SHISA9: variants seen among roughly 807,000 people sequenced by gnomAD.
The protein encoded by SHISA9 is shisa family member 9, also known as protein shisa-9.
In SHISA9, 13 loss-of-function variants were observed where a neutral mutation model predicts 38.0. That is an observed-to-expected ratio of 0.34 (90% CI 0.22 to 0.54). The LOEUF (loss-of-function observed/expected upper bound fraction) is 0.54. SHISA9 is among the 20% of genes least tolerant of loss of function. The pLI, the probability that SHISA9 is intolerant of heterozygous loss-of-function variation, is 0.91. For synonymous variants in SHISA9, 275 were observed against 242.0 expected, an observed-to-expected ratio of 1.14 and a Z score of -1.27; for missense variants, 538 against 575.8, an observed-to-expected ratio of 0.93 and a Z score of 0.67.
the SHISA9 span, among the ~76,000 whole-genome samples, chr16:13,557,971 C>T: frequency 6.6e-6 from 1 of 152,118 alleles, no homozygotes; most frequent in Admixed American, 6.5e-5. Flanking sequence ...TATAGGCTTC[C>T]GATCACCTGA....
At chr16:12,980,294 T>A (rs78762471) in intron 2 of SHISA9, among the ~76,000 whole-genome samples, 1 of 152,202 alleles carries the variant, frequency 6.6e-6, no homozygotes, top group East Asian at 1.9e-4. Flanking sequence ...CTATGGCAAA[T>A]CTTTGAGGTC....
rs2071885450 is a variant in SHISA9 at position 12,959,805 on chromosome 16, T to C, written c.691+42990T>C. Among the ~76,000 whole-genome samples the C allele has an allele frequency of 2.0e-5, 3 of 152,222 alleles. No individual in the cohort carries two copies. In the South Asian group the frequency reaches 6.2e-4, roughly 31 times the overall value. On this transcript the variant is annotated intron_variant, in intron 2 of 4. Coordinates refer to ENST00000558583, the MANE Select transcript of SHISA9 (RefSeq NM_001145204.3). ...CTATTCCTGGGGCTCTTTGCACAGC[T>C]CTGCCCTGCTGCCCTCGCCTTTCAG...
intron 2 of SHISA9, among the ~76,000 whole-genome samples, chr16:13,159,801 A>G (rs1489390737): frequency 6.6e-6 from 1 of 152,222 alleles, no homozygotes; most frequent in Non-Finnish European, 1.5e-5. Flanking sequence ...GCTGTCCATG[A>G]TTAATTCCGC....
At chr16:13,446,965 G>C in the SHISA9 span, among the ~76,000 whole-genome samples, 1 of 143,660 alleles carries the variant, frequency 7.0e-6, no homozygotes, top group African/African-American at 2.7e-5. Flanking sequence ...GAGTAACAGA[G>C]CGAAACTCCA....
chr16:13,514,856 T>C, the SHISA9 span, among the ~76,000 whole-genome samples: 1 of 151,266 alleles, frequency 6.6e-6, no homozygotes, highest in Non-Finnish European at 1.5e-5. Context: ...TTAAAACCAG[T>C]GAAAAAGAGG....
At chr16:13,134,633 A>T (rs1398317455) in intron 2 of SHISA9, among the ~76,000 whole-genome samples, 1 of 152,090 alleles carries the variant, frequency 6.6e-6, no homozygotes, top group African/African-American at 2.4e-5. Flanking sequence ...ACGAGGCTGG[A>T]GAGATGGGCA....
At chr16:13,539,346 G>T in the SHISA9 span, among the ~76,000 whole-genome samples, 11,747 of 39,598 alleles carry the variant, frequency 0.3, 1,552 homozygotes, top group East Asian at 0.53. Context: ...TATATATAAA[G>T]ATATATATAT....
the SHISA9 span, among the ~76,000 whole-genome samples, chr16:13,300,159 A>G: frequency 6.6e-6 from 1 of 152,158 alleles, no homozygotes; most frequent in Admixed American, 6.5e-5. Flanking sequence ...AAAGCCTAGA[A>G]GTAGCAGGCT....
the SHISA9 span, among the ~76,000 whole-genome samples, chr16:13,478,651 C>T: frequency 0.013 from 1,988 of 152,326 alleles, 42 homozygotes; most frequent in African/African-American, 0.046. Flanking sequence ...TTCTGCCAAA[C>T]ATATTCCATA....
intron 2 of SHISA9, among the ~76,000 whole-genome samples, chr16:13,180,008 C>T (rs2050763765): frequency 6.6e-6 from 1 of 152,140 alleles, no homozygotes; most frequent in African/African-American, 2.4e-5. Context: ...GGGTAGGAAA[C>T]TCTCCTGAGT....
the SHISA9 span, among the ~76,000 whole-genome samples, chr16:13,443,862 T>C: frequency 1.2e-4 from 19 of 152,314 alleles, no homozygotes; most frequent in Non-Finnish European, 1.5e-4. Flanking sequence ...TATGGGATCA[T>C]CTGGACATCA....
At chr16:13,317,292 A>T in the SHISA9 span, among the ~76,000 whole-genome samples, 1 of 152,316 alleles carries the variant, frequency 6.6e-6, no homozygotes, top group Admixed American at 6.5e-5. Flanking sequence ...AATTCTGATT[A>T]ATTTTCCTAA....
chr16:13,482,179 G>T, the SHISA9 span, among the ~76,000 whole-genome samples: 3 of 152,214 alleles, frequency 2.0e-5, no homozygotes, highest in African/African-American at 7.2e-5. Flanking sequence ...AGAAGTCAGA[G>T]AAGAGGGTAA....
rs113326272 is a variant in SHISA9 at position 12,947,241 on chromosome 16, A to G, written c.691+30426A>G. On this transcript the variant is annotated intron_variant, in intron 2 of 4. Coordinates refer to ENST00000558583, the MANE Select transcript of SHISA9 (RefSeq NM_001145204.3). ...AGCAAGTATACCTGGAAAAAGGTATATGACTGTAGCAAACAAGCGTGATAA... is the reference window on the plus strand; with the variant it reads ...AGCAAGTATACCTGGAAAAAGGTATGTGACTGTAGCAAACAAGCGTGATAA... Among the ~76,000 whole-genome samples the G allele has an allele frequency of 1.0e-2, 1,522 of 152,324 alleles. 25 individuals carry two copies. Among genetic ancestry groups the G allele is most frequent in the Admixed American group, 0.043 (652 of 15,298 alleles).
At chr16:13,442,027 C>A in the SHISA9 span, among the ~76,000 whole-genome samples, 1 of 152,202 alleles carries the variant, frequency 6.6e-6, no homozygotes, top group Non-Finnish European at 1.5e-5. Flanking sequence ...AGTGATGGAG[C>A]TTCTTAGATC....
chr16:13,273,594 C>T, the SHISA9 span, among the ~76,000 whole-genome samples: 2 of 152,168 alleles, frequency 1.3e-5, no homozygotes, highest in African/African-American at 4.8e-5. Flanking sequence ...TCCATTAAAC[C>T]TCTCTTTCTT....
chr16:13,418,764 C>T, the SHISA9 span, among the ~76,000 whole-genome samples: 2 of 152,202 alleles, frequency 1.3e-5, no homozygotes, highest in African/African-American at 4.8e-5. Flanking sequence ...ACCATAAGGA[C>T]TATAAGTAAT....
chr16:13,206,630 T>C (rs1236346427), intron 3 of SHISA9, among the ~76,000 whole-genome samples: 3 of 152,350 alleles, frequency 2.0e-5, no homozygotes, highest in East Asian at 3.9e-4. Flanking sequence ...GATGGAATCA[T>C]TCAAATAGTG....
intron 2 of SHISA9, among the ~76,000 whole-genome samples, chr16:12,980,813 T>C (rs2072230931): frequency 6.6e-6 from 1 of 152,188 alleles, no homozygotes; most frequent in Non-Finnish European, 1.5e-5. Context: ...TAATTCATTC[T>C]TTAGCTGTAT....
Sources: gnomAD v4.1 joint callset for allele counts (sites outside exome capture counted in the v4.1 genomes callset) on GRCh38, gnomAD v4.1.1 for gene constraint, MANE v1.5 for transcripts, NCBI Gene and HGNC (gene_info 2026-07-23, HGNC 2026-07-21) for gene names.